The following BAIAP2L1 variants were observed in gnomAD, a reference collection of about 807,000 sequenced individuals.
BAIAP2L1 encodes BAR/IMD domain-containing adapter protein 2-like 1.
Under a neutral mutation model 66.3 loss-of-function variants are expected in BAIAP2L1, and 35 were observed. That is an observed-to-expected ratio of 0.53 (90% CI 0.40 to 0.70). The LOEUF is 0.70. Among genes scored for constraint, BAIAP2L1 ranks in the 30% least tolerant of loss-of-function variants. BAIAP2L1 has a pLI of 0.00. For missense variants in BAIAP2L1, 622 were observed against 656.9 expected (o/e 0.95, Z 0.58); for synonymous variants, 269 against 248.7 (o/e 1.08, Z -0.77).
chr7:98,339,030 A>G (rs1171068105), intron 3 of BAIAP2L1, among the ~76,000 whole-genome samples: 2 of 150,672 alleles, frequency 1.3e-5, no homozygotes, highest in African/African-American at 4.9e-5. Flanking sequence ...GTGAGACTGT[A>G]CCATTGCACT....
rs543402978 is a variant in BAIAP2L1 at position 98,313,792 on chromosome 7, CT to C, written c.640-1529del. On this transcript the variant is annotated intron_variant, in intron 7 of 13. Coordinates refer to ENST00000005260, the MANE Select transcript of BAIAP2L1 (RefSeq NM_018842.5). Reference sequence around the variant, plus strand: ...CATCACCACAACTGGCTAATTAAAACTTTTTTTTTTTTTTTTTGGTAGAGAT... The same window carrying C: ...CATCACCACAACTGGCTAATTAAAACTTTTTTTTTTTTTTTTGGTAGAGAT... Among the ~76,000 whole-genome samples, 792 of 132,866 alleles carry C rather than the reference CT, an allele frequency of 6.0e-3. 1 individual carries two copies. The highest frequency in any genetic ancestry group is 6.8e-3 in the African/African-American group (247 of 36,444). 87.2% of individuals were successfully genotyped at this position (132,866 alleles called of 152,430 possible).
chr7:98,347,032 A>C (rs1213283763), intron 3 of BAIAP2L1, among the ~76,000 whole-genome samples: 1 of 152,206 alleles, frequency 6.6e-6, no homozygotes, highest in Non-Finnish European at 1.5e-5. Context: ...AAAACAAAAC[A>C]AAACTTCACC....
intron 12 of BAIAP2L1, among the ~76,000 whole-genome samples, chr7:98,297,752 G>A (rs1041257940): frequency 6.6e-6 from 1 of 152,232 alleles, no homozygotes; most frequent in Admixed American, 6.5e-5. Flanking sequence ...ATGTTGTGAC[G>A]CAAACGAAGA....
Position 98,293,997 on chromosome 7 carries a change from A to G in BAIAP2L1, c.1460+77T>C, listed in dbSNP as rs374663231. The G allele has an allele frequency of 2.0e-3, 2,944 of 1,506,688 alleles. 7 individuals are homozygous for G. Among genetic ancestry groups the G allele is most frequent in the Non-Finnish European group, 2.3e-3 (2,499 of 1,086,618 alleles). The allele number at this position is 1,506,688 out of a possible 1,614,324, so 93.3% of individuals were successfully genotyped here. On this transcript the variant is annotated intron_variant, in intron 13 of 13. Coordinates refer to ENST00000005260, the MANE Select transcript of BAIAP2L1 (RefSeq NM_018842.5). ...TCAGGCTGGACCCCCTGGGCTGGGCACCGAAGGCCCTTCCGGGGGACACTA... is the reference window on the plus strand; with the variant it reads ...TCAGGCTGGACCCCCTGGGCTGGGCGCCGAAGGCCCTTCCGGGGGACACTA...
At chr7:98,367,658 C>A (rs1324750122) in intron 1 of BAIAP2L1, among the ~76,000 whole-genome samples, 3 of 151,904 alleles carry the variant, frequency 2.0e-5, no homozygotes, top group Non-Finnish European at 4.4e-5. Flanking sequence ...GCCTCAGCCT[C>A]CCGAGTAGCT....
intron 7 of BAIAP2L1, among the ~76,000 whole-genome samples, chr7:98,314,235 G>A (rs1375080320): frequency 6.6e-6 from 1 of 152,004 alleles, no homozygotes; most frequent in Non-Finnish European, 1.5e-5. Context: ...CACCCACTTT[G>A]GTCTCCCAAA....
chr7:98,387,061 G>A (rs6967576), intron 1 of BAIAP2L1, among the ~76,000 whole-genome samples: 57,605 of 151,924 alleles, frequency 0.38, 12,423 homozygotes, highest in Middle Eastern at 0.54. Flanking sequence ...TAACCTACAC[G>A]CGTATTAAGC....
Position 98,315,493 on chromosome 7 carries a change from G to C in BAIAP2L1, c.606C>G (p.Gly202=). The C allele has an allele frequency of 6.6e-7, 1 of 1,510,252 alleles. No homozygotes were observed. 93.6% of individuals were successfully genotyped at this position (1,510,252 alleles called of 1,614,324 possible). A position where few individuals can be genotyped will look rare whatever the true frequency, so the allele number is the denominator to read the frequency against. The stretch of plus-strand genomic sequence containing the variant: ...GATAATAATGTATGTGGTTTGCAAA[G>C]CCACAGTGCTTATCAACCAGAAAGC... The part of the protein sequence containing the change: ...RFCFLVDKHC[G]FANHIHYYHL... The change falls in exon 7 of 14, where the codon GGC becomes GGG. Residue 202 remains glycine, a synonymous_variant. Transcript: ENST00000005260.
chr7:98,320,211 T>G (rs1801204927), intron 4 of BAIAP2L1, 26 bp downstream of exon 4: 2 of 1,595,576 alleles, frequency 1.3e-6, no homozygotes, highest in Admixed American at 1.7e-5. Context: ...GAGTGTATTT[T>G]GTAAATAGAA....
At chr7:98,307,290 G>A (rs1800695812) in intron 10 of BAIAP2L1, 1 of 579,350 alleles carries the variant, frequency 1.7e-6, no homozygotes, top group African/African-American at 2.0e-5. Flanking sequence ...ATTTTTCGTA[G>A]AGATGGGGTT....
intron 2 of BAIAP2L1, among the ~76,000 whole-genome samples, chr7:98,361,481 C>T (rs1177471634): frequency 1.3e-5 from 2 of 151,966 alleles, no homozygotes; most frequent in African/African-American, 4.8e-5. Flanking sequence ...AAAAGTAGAG[C>T]GGTGGGAGAG....
rs747577265 is a variant in BAIAP2L1, at chr7:98,306,489, C to T, written c.1191G>A (p.Thr397=). The T allele has an allele frequency of 1.8e-5, 29 of 1,613,968 alleles. No homozygotes were observed. Among genetic ancestry groups the T allele is most frequent in the African/African-American group, 4.0e-5 (3 of 74,866 alleles). The stretch of plus-strand genomic sequence containing the variant: ...CTGTCTCATTTTCTTCCAGCAACTT[C>T]GTGTACGACGACGGGAACCAACCCC... ...KARGWFPSSY[T]KLLEENETEA... is the part of the protein sequence containing the mutation. The change falls in exon 11 of 14, where the codon ACG becomes ACA. Residue 397 remains threonine (T), a synonymous_variant. Coordinates refer to ENST00000005260, the MANE Select transcript of BAIAP2L1 (RefSeq NM_018842.5).
chr7:98,293,733 G>T, intron 13 of BAIAP2L1, 137 bp from the exon 14 acceptor site: 1 of 791,220 alleles, frequency 1.3e-6, no homozygotes. Context: ...TCCCAGCAGC[G>T]TTTTCTGAGT....
chr7:98,331,716 G>A (rs948322247), intron 3 of BAIAP2L1, among the ~76,000 whole-genome samples: 5 of 152,058 alleles, frequency 3.3e-5, no homozygotes, highest in Non-Finnish European at 7.4e-5. Context: ...TGATCCACCT[G>A]CCTCAGCTTC....
At chr7:98,327,186 C>A (rs921205106) in intron 3 of BAIAP2L1, among the ~76,000 whole-genome samples, 5 of 151,860 alleles carry the variant, frequency 3.3e-5, no homozygotes, top group African/African-American at 1.2e-4. Context: ...TATGATGAAA[C>A]CCTGTCTCTA....
chr7:98,321,352 T>G (rs1455797243), intron 3 of BAIAP2L1, among the ~76,000 whole-genome samples: 2 of 152,220 alleles, frequency 1.3e-5, no homozygotes, highest in African/African-American at 4.8e-5. Flanking sequence ...AGGCTATTTC[T>G]TTTTTCTCAC....
intron 9 of BAIAP2L1, chr7:98,308,202 C>CA (rs1385754097): frequency 1.8e-6 from 1 of 549,816 alleles, no homozygotes; most frequent in Non-Finnish European, 3.5e-6. Context: ...CTGCTTTAGC[C>CA]AGGATGGCTC....
At chr7:98,348,569 CAAAA>C (rs752966671) in intron 3 of BAIAP2L1, among the ~76,000 whole-genome samples, 5 of 109,836 alleles carry the variant, frequency 4.6e-5, no homozygotes, top group Admixed American at 8.9e-5. Context: ...TCTGCCTCCA[CAAAA>C]AAAAAAAAAA....
intron 1 of BAIAP2L1, among the ~76,000 whole-genome samples, chr7:98,371,939 T>C (rs1802519244): frequency 1.3e-5 from 2 of 151,754 alleles, no homozygotes; most frequent in South Asian, 4.1e-4. Flanking sequence ...AGACTACAGA[T>C]GCCCGCCACT....
Sources: gnomAD v4.1 joint callset for allele counts (sites outside exome capture counted in the v4.1 genomes callset) on GRCh38, gnomAD v4.1.1 for gene constraint, MANE v1.5 for transcripts, NCBI Gene and HGNC (gene_info 2026-07-23, HGNC 2026-07-21) for gene names.